TSC1: variants seen among roughly 807,000 people sequenced by gnomAD.
The protein encoded by TSC1 is hamartin.
In TSC1, 20 loss-of-function variants were observed where a neutral mutation model predicts 124.3. The ratio of observed to expected loss-of-function variants is 0.16; its 90% confidence interval spans 0.11 to 0.23. The LOEUF (loss-of-function observed/expected upper bound fraction) is 0.23, where lower values mean the gene tolerates loss of function less well. Among genes scored for constraint, TSC1 ranks in the 10% least tolerant of loss-of-function variants. The probability of loss-of-function intolerance (pLI) is 1.00; values close to 1 mark genes in which losing one functional copy is unlikely to be tolerated. For synonymous variants in TSC1, 493 were observed against 539.1 expected, an observed-to-expected ratio of 0.91 and a Z score of 1.19; for missense variants, 1,124 against 1,448.5, an observed-to-expected ratio of 0.78 and a Z score of 3.64.
Position 132,906,254 on chromosome 9 carries a change from A to G in TSC1, c.1439-115T>C. 2 of 1,248,080 alleles carry G rather than the reference A, an allele frequency of 1.6e-6. No homozygotes were observed. Among genetic ancestry groups the G allele is most frequent in the Non-Finnish European group, 2.3e-6 (2 of 880,650 alleles). 77.3% of individuals were successfully genotyped at this position (1,248,080 alleles called of 1,614,324 possible). ...AGTGTCACTCAGAGAGAGGAGAAAA[A>G]GTGGCATCCGGCTGGACACAGTGGC... On this transcript the variant is annotated intron_variant, in intron 14 of 22. Transcript: ENST00000298552. This position sits in a 1 kb window ranked among gnomAD's most constrained non-coding sequence, Gnocchi z 4.1.
At chr9:132,901,535 G>T in intron 19 of TSC1, 54 bp downstream of exon 19, 1 of 1,478,704 alleles carries the variant, frequency 6.8e-7, no homozygotes, top group Non-Finnish European at 9.4e-7. Context: ...TCTGAAGGAA[G>T]AATGTTAGCA....
chr9:132,898,614 G>A (rs1845211432), intron 20 of TSC1, among the ~76,000 whole-genome samples: 1 of 152,228 alleles, frequency 6.6e-6, no homozygotes, highest in Non-Finnish European at 1.5e-5. Flanking sequence ...GCACAGGGTG[G>A]ATGAACGCAT....
In TSC1 at chr9:132,904,429, C is replaced by G. The variant is rs768189353; in HGVS notation, c.2023G>C (p.Asp675His). 2.5e-6 allele frequency: 4 copies of G among 1,613,930 alleles called. No individual in the cohort carries two copies. Among genetic ancestry groups the G allele is most frequent in the East Asian group, 4.5e-5 (2 of 44,872 alleles). ...NKLPLPSKSV[D>H]WTHFGGSPPS... The stretch of plus-strand genomic sequence containing the variant: ...ACTTTACCTCCAAAGTGGGTCCAGT[C>G]GACAGACTTGCTGGGTAAAGGCAAC... The change falls in exon 16 of 23, where the codon GAC (aspartate) becomes CAC (histidine). Residue 675 changes from aspartate (D) to histidine (H), a missense_variant. Around this residue, in one of 5 missense-constraint regions of TSC1, gnomAD observed 321 missense variants for 397.4 expected, o/e 0.81. Transcript: ENST00000298552.
At chr9:132,925,916 C>A in intron 4 of TSC1, 177 bp from the exon 5 acceptor site, 1 of 812,054 alleles carries the variant, frequency 1.2e-6, no homozygotes, top group Non-Finnish European at 1.9e-6. Flanking sequence ...CAAAACACTG[C>A]TGCATTTGGC....
intron 12 of TSC1, among the ~76,000 whole-genome samples, chr9:132,908,836 A>G (rs1178234398): frequency 1.3e-5 from 2 of 151,834 alleles, no homozygotes; most frequent in Non-Finnish European, 2.9e-5. Context: ...TTAAAGTTAC[A>G]AAGTGAAATT....
intron 19 of TSC1, among the ~76,000 whole-genome samples, 190 bp downstream of exon 19, chr9:132,901,399 C>T (rs1845364526): frequency 6.6e-6 from 1 of 152,214 alleles, no homozygotes; most frequent in African/African-American, 2.4e-5. Flanking sequence ...ATACCAGCAG[C>T]ACCAAAAACA....
In TSC1 at chr9:132,895,090, A is replaced by G. The variant is rs1844963483; in HGVS notation, c.*1145T>C. ...CATTACTAACATGGAGAGTGTGATG[A>G]CATCAGCTCCCTGGAGAGTCAGCCC... On this transcript the variant is annotated 3_prime_UTR_variant, in exon 23 of 23. Transcript: ENST00000298552. 4.3e-6 allele frequency: 1 copy of G among 232,988 alleles called. No individual in the cohort carries two copies. Among genetic ancestry groups the G allele is most frequent in the African/African-American group, 2.2e-5 (1 of 45,282 alleles). 14.4% of individuals were successfully genotyped at this position (232,988 alleles called of 1,614,324 possible).
chr9:132,936,004 G>A (rs1283035797), intron 1 of TSC1, among the ~76,000 whole-genome samples: 1 of 152,162 alleles, frequency 6.6e-6, no homozygotes, highest in Non-Finnish European at 1.5e-5. Context: ...CCTTCACTAG[G>A]AGTTATATCC....
chr9:132,914,218 G>A (rs975705456), intron 8 of TSC1, among the ~76,000 whole-genome samples: 16 of 152,020 alleles, frequency 1.1e-4, no homozygotes, highest in African/African-American at 3.6e-4. Context: ...TTTTAAAACT[G>A]TCTAAAGATT....
intron 8 of TSC1, among the ~76,000 whole-genome samples, chr9:132,919,337 G>T (rs1846421221): frequency 6.6e-6 from 1 of 152,174 alleles, no homozygotes; most frequent in African/African-American, 2.4e-5. Context: ...AACAACTAAA[G>T]AAAATATCAT....
chr9:132,893,549 C>G lies in TSC1; in HGVS notation c.*2686G>C, dbSNP rs1407967649. The G allele has an allele frequency of 4.3e-6, 1 of 233,202 alleles. No individual in the cohort carries two copies. Among genetic ancestry groups the G allele is most frequent in the East Asian group, 6.0e-5 (1 of 16,582 alleles). 14.4% of individuals were successfully genotyped at this position (233,202 alleles called of 1,614,324 possible). ...CCTCCCCGCTAAAACTGTAGTGCAC[C>G]TTTTTAAAGGAATTCCATGCTGCAC... is the stretch of plus-strand genomic sequence containing the variant. On this transcript the variant is annotated 3_prime_UTR_variant, in exon 23 of 23. Coordinates refer to ENST00000298552, the MANE Select transcript of TSC1 (RefSeq NM_000368.5).
chr9:132,908,998 G>A (rs530710476), intron 12 of TSC1, among the ~76,000 whole-genome samples: 1 of 150,198 alleles, frequency 6.7e-6, no homozygotes, highest in Non-Finnish European at 1.5e-5. Flanking sequence ...TCCGCCTCCT[G>A]GGTTCAAGTG....
At chr9:132,919,877 TTGTC>T (rs1336908075) in intron 8 of TSC1, among the ~76,000 whole-genome samples, 4 of 152,238 alleles carry the variant, frequency 2.6e-5, no homozygotes, top group Non-Finnish European at 4.4e-5. Flanking sequence ...CCTGTATAAC[TTGTC>T]TGTACTTAGC....
At chr9:132,929,601 GC>G (rs1847098192) in intron 2 of TSC1, among the ~76,000 whole-genome samples, 1 of 152,174 alleles carries the variant, frequency 6.6e-6, no homozygotes, top group African/African-American at 2.4e-5. Context: ...TAGTAGAGCA[GC>G]TGCTTTATCT....
intron 6 of TSC1, among the ~76,000 whole-genome samples, chr9:132,922,733 C>T (rs961367491): frequency 2.0e-5 from 3 of 152,194 alleles, no homozygotes; most frequent in Non-Finnish European, 4.4e-5. Context: ...CAGGAAGGCA[C>T]GGTGTTCTGT....
chr9:132,910,826 C>G (rs1017800219), intron 11 of TSC1, 134 bp from the exon 12 acceptor site: 180 of 1,434,496 alleles, frequency 1.3e-4, no homozygotes, highest in Non-Finnish European at 1.7e-4. Flanking sequence ...AGATCAGTCT[C>G]TCTCTTTTTT....
At chr9:132,915,033 A>G (rs188128936) in intron 8 of TSC1, among the ~76,000 whole-genome samples, 134 of 151,644 alleles carry the variant, frequency 8.8e-4, no homozygotes, top group African/African-American at 3.0e-3. Flanking sequence ...AACAACAACA[A>G]CAAAATAGCT....
chr9:132,921,715 TTTC>T lies in TSC1; in HGVS notation c.663+101_663+103del, dbSNP rs1846564622. On this transcript the variant is annotated intron_variant, in intron 7 of 22. Coordinates refer to ENST00000298552, the MANE Select transcript of TSC1 (RefSeq NM_000368.5). This position sits in a 1 kb window ranked among gnomAD's most constrained non-coding sequence, Gnocchi z 4.3. ...TGGAGTGGCGAGGAAGAAAACTGAA[TTTC>T]TTTTCAAAATTTCCCTGTCTGCCGT... 2.7e-6 allele frequency: 4 copies of T among 1,494,898 alleles called. No individual in the cohort carries two copies. The highest frequency in any genetic ancestry group is 3.7e-6 in the Non-Finnish European group (4 of 1,076,828). The allele number at this position is 1,494,898 out of a possible 1,614,324, so 92.6% of individuals were successfully genotyped here.
chr9:132,931,032 G>C (rs946801293), intron 2 of TSC1, among the ~76,000 whole-genome samples: 2 of 152,086 alleles, frequency 1.3e-5, no homozygotes, highest in Non-Finnish European at 2.9e-5. Context: ...AAAAATCTTT[G>C]GGCCACCACT....
Sources: gnomAD v4.1 joint callset for allele counts (sites outside exome capture counted in the v4.1 genomes callset) on GRCh38, gnomAD v4.1.1 for gene constraint, gnomAD v4.1.1 regional missense constraint, Gnocchi (gnomAD v3.1) non-coding constraint, MANE v1.5 for transcripts, NCBI Gene and HGNC (gene_info 2026-07-23, HGNC 2026-07-21) for gene names.